The following NDUFS1 variants were observed in gnomAD, a reference collection of about 807,000 sequenced individuals.
The protein encoded by NDUFS1 is NADH-ubiquinone oxidoreductase 75 kDa subunit, mitochondrial.
A neutral mutation model predicts 84.4 loss-of-function variants in NDUFS1; 61 were observed. The ratio of observed to expected loss-of-function variants is 0.72; its 90% CI spans 0.59 to 0.89. NDUFS1 has a LOEUF of 0.89. NDUFS1 is among the 40% of genes least tolerant of loss of function. The pLI, the probability that NDUFS1 is intolerant of heterozygous loss-of-function variation, is 0.00. For synonymous variants in NDUFS1, 275 were observed against 290.0 expected (o/e 0.95, Z 0.53); for missense variants, 891 against 890.0 (o/e 1.00, Z -0.01).
chr2:206,140,943 T>TACACACACACACACACACACAC (rs1553505280), intron 12 of NDUFS1, among the ~76,000 whole-genome samples: 32 of 136,138 alleles, frequency 2.4e-4, no homozygotes, highest in African/African-American at 5.6e-4. Flanking sequence ...TATATATATA[T>TACACACACACACACACACACAC]ACACACACAC....
intron 1 of NDUFS1, among the ~76,000 whole-genome samples, chr2:206,156,517 G>A (rs1036963150): frequency 1.3e-5 from 2 of 151,776 alleles, no homozygotes; most frequent in African/African-American, 4.8e-5. Flanking sequence ...CAAGGTTACA[G>A]TGAGCTACAA....
Position 206,149,089 on chromosome 2 carries a change from G to A in NDUFS1, c.269C>T (p.Ala90Val). 3 of 1,611,630 alleles carry A rather than the reference G, an allele frequency of 1.9e-6. No homozygotes were observed. Among genetic ancestry groups the A allele is most frequent in the Non-Finnish European group, 2.5e-6 (3 of 1,178,780 alleles). The change falls in exon 5 of 19, where the codon GCT becomes GTT. Residue 90 changes from alanine to valine, a missense_variant. Transcript: ENST00000233190. Reference sequence around the variant, plus strand: ...CTTCATTACTGGCATGGCACAAGCAGCTACAACCTGGGATTTCAATGAAAA... The same window carrying A: ...CTTCATTACTGGCATGGCACAAGCAACTACAACCTGGGATTTCAATGAAAA... ...VEIEKAPKVVAACAMPVMKGW... is the reference protein window; with the variant it reads ...VEIEKAPKVVVACAMPVMKGW...
chr2:206,140,639 C>G (rs1206444502), intron 12 of NDUFS1, among the ~76,000 whole-genome samples: 2 of 151,794 alleles, frequency 1.3e-5, no homozygotes, highest in Admixed American at 1.3e-4. Context: ...CGCCACCATG[C>G]CCGGCTAATT....
chr2:206,130,413 G>A (rs1046571739), intron 14 of NDUFS1, among the ~76,000 whole-genome samples, 171 bp from the exon 15 acceptor site: 6 of 151,244 alleles, frequency 4.0e-5, no homozygotes, highest in Non-Finnish European at 7.3e-5. Flanking sequence ...GGAGCGCAGT[G>A]GCGTGATCTC....
Position 206,126,823 on chromosome 2 carries a change from A to AT in NDUFS1, c.1905dup (p.Tyr636IlefsTer2), listed in dbSNP as rs757132681. 4 of 1,614,040 alleles carry AT rather than the reference A, an allele frequency of 2.5e-6. No homozygotes were observed. In the South Asian group the frequency reaches 4.4e-5, roughly 18 times the overall value. On this transcript the variant is annotated frameshift_variant, in exon 17 of 19. Transcript: ENST00000233190. LOFTEE classifies it high-confidence loss of function. ...TTCCTTACTTGATCCAGAGTATCAT[A>AT]TGGAAGAGTCATTCCAGCAATCTAC...
intron 11 of NDUFS1, 96 bp from the exon 12 acceptor site, chr2:206,142,165 T>C: frequency 9.4e-7 from 1 of 1,063,308 alleles, no homozygotes; most frequent in South Asian, 1.4e-5. Flanking sequence ...CATTGCCTTC[T>C]CAAACAAAAA....
intron 8 of NDUFS1, among the ~76,000 whole-genome samples, chr2:206,146,062 C>T (rs542704920): frequency 2.0e-5 from 3 of 152,238 alleles, no homozygotes; most frequent in South Asian, 2.1e-4. Context: ...TTGAAAACAG[C>T]CTCAACTTTG....
Position 206,153,991 on chromosome 2 carries a change from AAAAT to A in NDUFS1, c.-4-313_-4-310del, listed in dbSNP as rs569669572. Among the ~76,000 whole-genome samples, 112 of 152,374 alleles carry A rather than the reference AAAAT, an allele frequency of 7.4e-4. 3 individuals are homozygous for A. The East Asian group carries it at 0.02, about 28-fold the overall frequency. On this transcript the variant is annotated intron_variant, in intron 1 of 18. Coordinates refer to ENST00000233190, the MANE Select transcript of NDUFS1 (RefSeq NM_005006.7). Reference sequence around the variant, plus strand: ...CAAACTTAAAGCACTACCACACAGTAAAATAAACTGCAAGACTAACAGTGAGCTT... The same window carrying A: ...CAAACTTAAAGCACTACCACACAGTAAAACTGCAAGACTAACAGTGAGCTT...
In NDUFS1 at chr2:206,147,536, G is replaced by A. The variant is rs1692201431; in HGVS notation, c.546C>T (p.Cys182=). ...IMTRCIQCTR[C]IRFASEIAGV... Reference sequence around the variant, plus strand: ...AAAAAAGGAAAAAAAGTTACCTGATGCAGCGAGTACACTGTATACATCTTG... The same window carrying A: ...AAAAAAGGAAAAAAAGTTACCTGATACAGCGAGTACACTGTATACATCTTG... The change falls in exon 7 of 19, where the codon TGC becomes TGT. Residue 182 remains cysteine (C), a synonymous_variant. Transcript: ENST00000233190. The A allele has an allele frequency of 1.2e-6, 2 of 1,613,548 alleles. No homozygotes were observed. The highest frequency in any genetic ancestry group is 1.7e-6 in the Non-Finnish European group (2 of 1,179,822).
At chr2:206,147,872 TAC>T in intron 5 of NDUFS1, 38 bp from the exon 6 acceptor site, 5 of 1,543,812 alleles carry the variant, frequency 3.2e-6, no homozygotes, top group Non-Finnish European at 4.5e-6. Flanking sequence ...GACTCTCAAA[TAC>T]ACACACACTG....
chr2:206,149,630 A>G, intron 4 of NDUFS1, 188 bp downstream of exon 4: 3 of 608,362 alleles, frequency 4.9e-6, no homozygotes, highest in Non-Finnish European at 8.8e-6. Flanking sequence ...GTGTTTGTAA[A>G]GCACTTCTAT....
In NDUFS1 at chr2:206,126,776, A is replaced by C. The variant is rs761694243; in HGVS notation, c.1953T>G (p.Pro651=). Residue 651 remains proline (P), a synonymous_variant, in exon 17 of 19, where the codon CCT becomes CCG. Transcript: ENST00000233190. ...QVRNRLEEVS[P]NLVRYDDIEG... ...CAATATCATCATATCGAACAAGATT[A>C]GGAGAGACTTCTTCCAATCTGTTCC... 1 of 1,614,194 alleles carries C rather than the reference A, an allele frequency of 6.2e-7. No homozygotes were observed. Among genetic ancestry groups the C allele is most frequent in the East Asian group, 2.2e-5 (1 of 44,868 alleles).
Position 206,118,174 on chromosome 2 carries a change from G to A in NDUFS1, c.*6011C>T, listed in dbSNP as rs190715960. 1.3e-5 allele frequency: 2 copies of A among 152,266 alleles called. No homozygotes were observed. The highest frequency in any genetic ancestry group is 1.3e-4 in the Admixed American group (2 of 15,286). The allele number at this position is 152,266 out of a possible 1,614,324, so 9.4% of individuals were successfully genotyped here. ...GTGAAAAACACAAAAAACACTTTAA[G>A]CAGAGGGTATTTGGTTTTGAGATCC... On this transcript the variant is annotated 3_prime_UTR_variant, in exon 19 of 19. Coordinates refer to ENST00000233190, the MANE Select transcript of NDUFS1 (RefSeq NM_005006.7).
chr2:206,146,986 C>T lies in NDUFS1; in HGVS notation c.654G>A (p.Leu218=), dbSNP rs139313305. The T allele has an allele frequency of 2.4e-5, 38 of 1,614,012 alleles. No individual in the cohort carries two copies. The highest frequency in any genetic ancestry group is 1.6e-4 in the African/African-American group (12 of 74,924). Residue 218 remains leucine (L), a synonymous_variant, in exon 8 of 19, where the codon CTG becomes CTA. Coordinates refer to ENST00000233190, the MANE Select transcript of NDUFS1 (RefSeq NM_005006.7). ...GGCAGATATCAATGATATTCCCAGA[C>T]AGTTCAGACATGAACATCTTTTCAA... is the stretch of plus-strand genomic sequence containing the variant. ...TYIEKMFMSE[L]SGNIIDICPV...
chr2:206,158,207 C>A (rs931690655), intron 1 of NDUFS1, among the ~76,000 whole-genome samples: 3 of 152,114 alleles, frequency 2.0e-5, no homozygotes, highest in African/African-American at 7.2e-5. Flanking sequence ...CGTGATCCGC[C>A]CGCCTCGGCC....
At chr2:206,139,471 G>A (rs1394156905) in intron 12 of NDUFS1, among the ~76,000 whole-genome samples, 2 of 152,120 alleles carry the variant, frequency 1.3e-5, no homozygotes, top group Non-Finnish European at 2.9e-5. Flanking sequence ...ATAAGCATGA[G>A]CCACTGTGCC....
intron 13 of NDUFS1, among the ~76,000 whole-genome samples, chr2:206,137,650 T>A (rs1457924684): frequency 2.0e-5 from 3 of 152,054 alleles, no homozygotes; most frequent in African/African-American, 7.2e-5. Flanking sequence ...GGAATAGACA[T>A]TCTCAAGCAA....
Position 206,115,908 on chromosome 2 carries a change from T to G in NDUFS1, c.*8277A>C. On this transcript the variant is annotated 3_prime_UTR_variant, in exon 19 of 19. Transcript: ENST00000233190. ...GCCTAGTCTAAAAATCATAGGATGTTGTGAAAAAGACACATATTATGTTTA... is the reference window on the plus strand; with the variant it reads ...GCCTAGTCTAAAAATCATAGGATGTGGTGAAAAAGACACATATTATGTTTA... 1 of 600,928 alleles carries G rather than the reference T, an allele frequency of 1.7e-6. No individual in the cohort carries two copies. The highest frequency in any genetic ancestry group is 3.0e-6 in the Non-Finnish European group (1 of 331,020). The allele number at this position is 600,928 out of a possible 1,614,324, so 37.2% of individuals were successfully genotyped here. A position where few individuals can be genotyped will look rare whatever the true frequency, so the allele number is the denominator to read the frequency against.
At chr2:206,143,672 A>G (rs1361585743) in intron 10 of NDUFS1, among the ~76,000 whole-genome samples, 1 of 151,758 alleles carries the variant, frequency 6.6e-6, no homozygotes, top group Non-Finnish European at 1.5e-5. Flanking sequence ...ACCTCCAAGG[A>G]AGGCATCTTG....
Sources: gnomAD v4.1 joint callset for allele counts (sites outside exome capture counted in the v4.1 genomes callset) on GRCh38, gnomAD v4.1.1 for gene constraint, MANE v1.5 for transcripts, NCBI Gene and HGNC (gene_info 2026-07-23, HGNC 2026-07-21) for gene names.